The following CDC42BPA variants were observed in gnomAD, a reference collection of about 807,000 sequenced individuals.
The protein encoded by CDC42BPA is serine/threonine-protein kinase MRCK alpha.
Under a neutral mutation model 223.5 loss-of-function variants are expected in CDC42BPA, and 80 were observed. That is an observed-to-expected ratio of 0.36 (90% CI 0.30 to 0.43). CDC42BPA has a LOEUF of 0.43. Among genes scored for constraint, CDC42BPA ranks in the 20% least tolerant of loss-of-function variants. The probability of loss-of-function intolerance (pLI) is 1.00; values close to 1 mark genes in which losing one functional copy is unlikely to be tolerated. For synonymous variants in CDC42BPA, 694 were observed against 718.6 expected (o/e 0.97, Z 0.55); for missense variants, 1,743 against 2,099.9 (o/e 0.83, Z 3.32).
At chr1:227,022,274 A>G (rs555131435) in intron 32 of CDC42BPA, among the ~76,000 whole-genome samples, 22 of 152,136 alleles carry the variant, frequency 1.4e-4, no homozygotes, top group African/African-American at 5.3e-4. Context: ...TCTACTAAAA[A>G]TACAAAAAAT....
chr1:227,078,594 A>T (rs551546890), intron 17 of CDC42BPA, among the ~76,000 whole-genome samples: 1 of 152,304 alleles, frequency 6.6e-6, no homozygotes, highest in African/African-American at 2.4e-5. Context: ...AACGGCGGTG[A>T]GAAGATGTCC....
chr1:227,170,140 C>T (rs569531567), intron 5 of CDC42BPA, among the ~76,000 whole-genome samples: 2 of 152,112 alleles, frequency 1.3e-5, no homozygotes, highest in Admixed American at 6.5e-5. Context: ...AGAACTTAGG[C>T]TGGCTATGAC....
At chr1:227,239,793 T>C (rs560417885) in intron 2 of CDC42BPA, among the ~76,000 whole-genome samples, 2 of 152,242 alleles carry the variant, frequency 1.3e-5, no homozygotes, top group South Asian at 4.1e-4. Context: ...ACCAAAATAT[T>C]GCCTAACAAT....
At chr1:227,035,026 G>A (rs1333552835) in intron 25 of CDC42BPA, among the ~76,000 whole-genome samples, 1 of 152,054 alleles carries the variant, frequency 6.6e-6, no homozygotes, top group African/African-American at 2.4e-5. Flanking sequence ...CATTTTAATG[G>A]TACCATTTTA....
chr1:227,122,306 CTGAAG>C (rs1688788109), intron 11 of CDC42BPA, among the ~76,000 whole-genome samples: 1 of 152,150 alleles, frequency 6.6e-6, no homozygotes, highest in Non-Finnish European at 1.5e-5. Flanking sequence ...TCTTCTACTT[CTGAAG>C]TGTTCTTCTC....
At chr1:227,244,706 C>G (rs1680610919) in intron 2 of CDC42BPA, among the ~76,000 whole-genome samples, 1 of 152,192 alleles carries the variant, frequency 6.6e-6, no homozygotes. Context: ...AAAGCACTCT[C>G]ACAAGAACCA....
intron 1 of CDC42BPA, among the ~76,000 whole-genome samples, chr1:227,316,630 A>T (rs1694444313): frequency 6.6e-6 from 1 of 152,200 alleles, no homozygotes; most frequent in South Asian, 2.1e-4. Flanking sequence ...CATAGTCTGA[A>T]TGTTTCCACC....
chr1:227,241,796 A>T (rs1558848435), intron 2 of CDC42BPA, among the ~76,000 whole-genome samples: 1 of 152,142 alleles, frequency 6.6e-6, no homozygotes, highest in Non-Finnish European at 1.5e-5. Context: ...ATTTCAATGT[A>T]TGTAAAATTT....
At chr1:227,049,984 G>T (rs952938393) in intron 22 of CDC42BPA, among the ~76,000 whole-genome samples, 1 of 151,954 alleles carries the variant, frequency 6.6e-6, no homozygotes, top group Non-Finnish European at 1.5e-5. Context: ...AAAAGCAGAA[G>T]TCATAAAGAA....
At position 227,317,522 on chromosome 1, in the gene CDC42BPA, A is replaced by AC. The variant is rs1694598899; in HGVS notation, c.-341_-340insG. 1.0e-5 allele frequency: 4 copies of AC among 398,610 alleles called. No individual in the cohort carries two copies. The highest frequency in any genetic ancestry group is 8.8e-6 in the Non-Finnish European group (2 of 226,234). 24.7% of individuals were successfully genotyped at this position (398,610 alleles called of 1,614,324 possible). On this transcript the variant is annotated 5_prime_UTR_variant, in exon 1 of 37. It removes the in-frame stop codon of an upstream open reading frame in the 5' UTR. Transcript: ENST00000366766. ...AGTCAACACTTCTTTAAAAAAAAAA[A>AC]AAAAAACTCTTCTCCTTCATTCAAA...
intron 1 of CDC42BPA, among the ~76,000 whole-genome samples, chr1:227,291,419 C>T (rs565556784): frequency 3.3e-5 from 5 of 152,002 alleles, no homozygotes; most frequent in Non-Finnish European, 7.4e-5. Context: ...CATGGTGGCA[C>T]GCGCCTGTCA....
chr1:227,254,053 T>G lies in CDC42BPA; in HGVS notation c.270+11A>C, dbSNP rs1283591373. On this transcript the variant is annotated intron_variant, in intron 2 of 36. Coordinates refer to ENST00000366766, the MANE Select transcript of CDC42BPA (RefSeq NM_001394014.1). The stretch of plus-strand genomic sequence containing the variant: ...AATTAGCAGACCTTCTATCAAATCT[T>G]AATCTCTTACCTCCCCAAAAGCTCC... 6.8e-7 allele frequency: 1 copy of G among 1,471,806 alleles called. No individual in the cohort carries two copies. Among genetic ancestry groups the G allele is most frequent in the South Asian group, 1.2e-5 (1 of 85,860 alleles). The allele number at this position is 1,471,806 out of a possible 1,614,324, so 91.2% of individuals were successfully genotyped here. A position where few individuals can be genotyped will look rare whatever the true frequency, so the allele number is the denominator to read the frequency against.
chr1:227,273,483 C>T (rs1299008388), intron 1 of CDC42BPA, among the ~76,000 whole-genome samples: 2 of 151,242 alleles, frequency 1.3e-5, no homozygotes, highest in Non-Finnish European at 2.9e-5. Context: ...TGCGGTGAGC[C>T]GAGATGGCAC....
chr1:227,179,661 G>T (rs1449869990), intron 5 of CDC42BPA, among the ~76,000 whole-genome samples: 6 of 37,856 alleles, frequency 1.6e-4, no homozygotes, highest in East Asian at 5.4e-4. Flanking sequence ...AAAAAAAAAA[G>T]CTATTTTAAA....
intron 5 of CDC42BPA, among the ~76,000 whole-genome samples, chr1:227,171,639 A>G (rs1666120346): frequency 6.6e-6 from 1 of 151,964 alleles, no homozygotes; most frequent in Non-Finnish European, 1.5e-5. Flanking sequence ...TTCTAAAACA[A>G]CGATTACATT....
chr1:227,232,991 T>C (rs928366250), intron 2 of CDC42BPA, among the ~76,000 whole-genome samples: 5 of 152,324 alleles, frequency 3.3e-5, no homozygotes, highest in African/African-American at 9.6e-5. Context: ...CTCTGCCACC[T>C]TGCAGTTCGA....
intron 4 of CDC42BPA, among the ~76,000 whole-genome samples, chr1:227,196,338 C>CTTTTTTTTTCTTTTTTCTTTT (rs1670687522): frequency 1.1e-5 from 1 of 92,352 alleles, no homozygotes; most frequent in Non-Finnish European, 1.9e-5. Flanking sequence ...TTAAACAATA[C>CTTTTTTTTTCTTTTTTCTTTT]TTTTTTTTTT....
At chr1:227,062,854 C>G (rs1676212443) in intron 21 of CDC42BPA, among the ~76,000 whole-genome samples, 1 of 150,904 alleles carries the variant, frequency 6.6e-6, no homozygotes, top group East Asian at 1.9e-4. Flanking sequence ...ACTTTTTTGG[C>G]TATCTCTACT....
At chr1:227,189,349 G>A (rs1669343908) in intron 5 of CDC42BPA, among the ~76,000 whole-genome samples, 3 of 152,220 alleles carry the variant, frequency 2.0e-5, no homozygotes. Context: ...GACCTAGACA[G>A]AAAAATGTAT....
Sources: allele counts gnomAD v4.1 joint callset (sites outside exome capture counted in the v4.1 genomes callset), GRCh38; gene constraint gnomAD v4.1.1; transcripts MANE v1.5; gene names NCBI Gene and HGNC (gene_info 2026-07-23, HGNC 2026-07-21).